Variants in FSTL5 observed in about 807,000 individuals in gnomAD.
FSTL5 encodes follistatin like 5, also known as follistatin-related protein 5.
A neutral mutation model predicts 89.1 loss-of-function variants in FSTL5; 62 were observed. The ratio of observed to expected loss-of-function variants is 0.70; its 90% CI spans 0.57 to 0.86. The LOEUF (loss-of-function observed/expected upper bound fraction) is 0.86. Among genes scored for constraint, FSTL5 ranks in the 40% least tolerant of loss-of-function variants. FSTL5 has a pLI of 0.00. For missense variants in FSTL5, 1,057 were observed against 1,001.6 expected (o/e 1.06, Z -0.75); for synonymous variants, 383 against 346.2 (o/e 1.11, Z -1.18).
chr4:161,459,431 C>T, intron 13 of FSTL5, 112 bp from the exon 14 acceptor site: 1 of 607,112 alleles, frequency 1.6e-6, no homozygotes, highest in East Asian at 2.8e-5. Context: ...TTTAATTTGC[C>T]AAATATATAA....
At chr4:161,912,256 A>C (rs1219445377) in intron 4 of FSTL5, among the ~76,000 whole-genome samples, 1 of 152,196 alleles carries the variant, frequency 6.6e-6, no homozygotes, top group Non-Finnish European at 1.5e-5. Flanking sequence ...AGCATTTGAC[A>C]AGAGGATACT....
chr4:161,685,273 A>G (rs565264430), intron 6 of FSTL5, among the ~76,000 whole-genome samples: 6 of 152,210 alleles, frequency 3.9e-5, no homozygotes, highest in African/African-American at 9.6e-5. Flanking sequence ...GTGTTTTCCA[A>G]TTCTTTGAAG....
intron 6 of FSTL5, among the ~76,000 whole-genome samples, chr4:161,666,731 G>A (rs1261214245): frequency 6.6e-6 from 1 of 152,088 alleles, no homozygotes; most frequent in Non-Finnish European, 1.5e-5. Context: ...AGTTTATTCT[G>A]AGGAAAAGGG....
intron 7 of FSTL5, among the ~76,000 whole-genome samples, chr4:161,617,508 C>G (rs907660608): frequency 4.6e-5 from 7 of 151,970 alleles, no homozygotes; most frequent in African/African-American, 1.7e-4. Context: ...AACTTACAGA[C>G]CTAAGAAGCT....
chr4:161,587,584 A>G lies in FSTL5; in HGVS notation c.895-9T>C, dbSNP rs1360504693. The G allele has an allele frequency of 1.3e-6, 2 of 1,584,234 alleles. No individual in the cohort carries two copies. The highest frequency in any genetic ancestry group is 2.7e-5 in the African/African-American group (2 of 73,648). Reference sequence around the variant, plus strand: ...CCATCATCTCCAAAGTCCTATTAAAAATAAAATAAAACAAGGTGTTTGCAT... The same window carrying G: ...CCATCATCTCCAAAGTCCTATTAAAGATAAAATAAAACAAGGTGTTTGCAT... On this transcript the variant is annotated splice_polypyrimidine_tract_variant and intron_variant, in intron 7 of 15. Transcript: ENST00000306100.
intron 15 of FSTL5, among the ~76,000 whole-genome samples, chr4:161,394,791 T>C (rs1019009840): frequency 6.6e-6 from 1 of 152,180 alleles, no homozygotes; most frequent in African/African-American, 2.4e-5. Flanking sequence ...AAAGTTTATA[T>C]TTTGGTTTGC....
At chr4:162,001,509 A>G (rs1198491458) in intron 3 of FSTL5, among the ~76,000 whole-genome samples, 1 of 152,108 alleles carries the variant, frequency 6.6e-6, no homozygotes, top group Non-Finnish European at 1.5e-5. Context: ...CTCATTGTAC[A>G]TGAAGGGTCT....
chr4:161,721,701 G>T (rs1247534781), intron 6 of FSTL5, among the ~76,000 whole-genome samples: 1 of 152,062 alleles, frequency 6.6e-6, no homozygotes, highest in Non-Finnish European at 1.5e-5. Context: ...GACCTCATGG[G>T]CTAGGATATA....
chr4:161,724,181 A>G (rs927142011), intron 6 of FSTL5, among the ~76,000 whole-genome samples: 2 of 152,160 alleles, frequency 1.3e-5, no homozygotes, highest in African/African-American at 4.8e-5. Flanking sequence ...AATGTTTCTG[A>G]ATATTTACAA....
chr4:162,105,920 C>T (rs1013967071), intron 2 of FSTL5, among the ~76,000 whole-genome samples: 1 of 152,064 alleles, frequency 6.6e-6, no homozygotes, highest in African/African-American at 2.4e-5. Flanking sequence ...AAATAATGCT[C>T]CTGGGTCTGC....
At chr4:162,107,370 C>G (rs1485895160) in intron 2 of FSTL5, among the ~76,000 whole-genome samples, 2 of 152,050 alleles carry the variant, frequency 1.3e-5, no homozygotes, top group Admixed American at 1.3e-4. Flanking sequence ...AACAGAGTAC[C>G]CGCTATACAA....
At chr4:161,985,437 C>T (rs1206583863) in intron 3 of FSTL5, among the ~76,000 whole-genome samples, 1 of 151,406 alleles carries the variant, frequency 6.6e-6, no homozygotes, top group Non-Finnish European at 1.5e-5. Context: ...TGTGATTTAC[C>T]CAATTATTCC....
At chr4:161,531,970 C>T (rs1040736888) in intron 10 of FSTL5, among the ~76,000 whole-genome samples, 7 of 151,850 alleles carry the variant, frequency 4.6e-5, no homozygotes, top group Admixed American at 2.0e-4. Flanking sequence ...TTTGGGAGGC[C>T]GAGACGGGCG....
At chr4:162,034,363 G>A (rs1043628916) in intron 2 of FSTL5, among the ~76,000 whole-genome samples, 32 of 151,906 alleles carry the variant, frequency 2.1e-4, no homozygotes, top group Admixed American at 6.6e-4. Flanking sequence ...CAAACATCGG[G>A]GAGAATTTTA....
At chr4:161,498,908 A>G (rs1374794334) in intron 12 of FSTL5, among the ~76,000 whole-genome samples, 1 of 152,144 alleles carries the variant, frequency 6.6e-6, no homozygotes, top group East Asian at 1.9e-4. Context: ...TAAGATTATA[A>G]AAGAAAATAG....
intron 15 of FSTL5, among the ~76,000 whole-genome samples, chr4:161,444,902 T>C (rs927970128): frequency 6.6e-6 from 1 of 151,986 alleles, no homozygotes; most frequent in African/African-American, 2.4e-5. Context: ...TCACCATTTG[T>C]AGAATGGGAA....
At chr4:161,948,769 T>C (rs1166438107) in intron 3 of FSTL5, among the ~76,000 whole-genome samples, 2 of 152,036 alleles carry the variant, frequency 1.3e-5, no homozygotes, top group Non-Finnish European at 2.9e-5. Flanking sequence ...ATTTAATTAC[T>C]GAATTTGTAT....
At chr4:162,080,366 G>A (rs1730046054) in intron 2 of FSTL5, among the ~76,000 whole-genome samples, 1 of 130,742 alleles carries the variant, frequency 7.6e-6, no homozygotes, top group Admixed American at 7.7e-5. Flanking sequence ...TAAGCTGATT[G>A]CTAGAGGGTT....
chr4:161,870,183 C>T (rs1182975638), intron 4 of FSTL5, among the ~76,000 whole-genome samples: 1 of 152,110 alleles, frequency 6.6e-6, no homozygotes, highest in Non-Finnish European at 1.5e-5. Flanking sequence ...AATTTGTTCA[C>T]CACGTGGTGC....
Sources: allele counts gnomAD v4.1 joint callset (sites outside exome capture counted in the v4.1 genomes callset), GRCh38; gene constraint gnomAD v4.1.1; transcripts MANE v1.5; gene names NCBI Gene and HGNC (gene_info 2026-07-23, HGNC 2026-07-21).